The following CLVS1 variants were observed in gnomAD, a reference collection of about 807,000 sequenced individuals.
CLVS1 encodes the protein clavesin-1.
CLVS1 carries 10 observed loss-of-function variants against 33.1 expected under a neutral mutation model. The observed-to-expected ratio is 0.30, with a 90% CI of 0.19 to 0.51. The LOEUF (loss-of-function observed/expected upper bound fraction) is 0.51, where lower values mean the gene tolerates loss of function less well. CLVS1 is among the 20% of genes least tolerant of loss of function. The pLI is 0.97. For missense variants in CLVS1, 343 were observed against 433.4 expected, an observed-to-expected ratio of 0.79 and a Z score of 1.85; for synonymous variants, 163 against 166.1, an observed-to-expected ratio of 0.98 and a Z score of 0.14.
intron 1 of CLVS1, among the ~76,000 whole-genome samples, chr8:61,115,343 T>A (rs923057490): frequency 1.9e-4 from 28 of 151,262 alleles, no homozygotes; most frequent in Middle Eastern, 3.4e-3. Context: ...TTATTTTTTT[T>A]ATTTTATTTT....
At chr8:61,325,698 T>C (rs1811356818) in intron 2 of CLVS1, among the ~76,000 whole-genome samples, 1 of 152,188 alleles carries the variant, frequency 6.6e-6, no homozygotes, top group Non-Finnish European at 1.5e-5. Context: ...TTTAACAAAG[T>C]CCAGCAACCA....
intron 1 of CLVS1, among the ~76,000 whole-genome samples, chr8:61,110,362 T>C (rs1403239671): frequency 2.0e-5 from 3 of 152,174 alleles, no homozygotes; most frequent in African/African-American, 7.2e-5. Flanking sequence ...CTCTTCCTTT[T>C]TGAGACGGCT....
chr8:61,037,634 C>T, the CLVS1 span, among the ~76,000 whole-genome samples: 126 of 152,316 alleles, frequency 8.3e-4, 2 homozygotes, highest in East Asian at 0.023. Flanking sequence ...ATGACAATCT[C>T]TTCAAATTTG....
intron 1 of CLVS1, among the ~76,000 whole-genome samples, chr8:61,288,951 G>C (rs1310178754): frequency 6.6e-6 from 1 of 152,234 alleles, no homozygotes; most frequent in Non-Finnish European, 1.5e-5. Flanking sequence ...GGTAATGATT[G>C]TAACTTAAGA....
chr8:61,070,999 C>T (rs1216715189), intron 1 of CLVS1, among the ~76,000 whole-genome samples: 1 of 152,214 alleles, frequency 6.6e-6, no homozygotes, highest in Non-Finnish European at 1.5e-5. Context: ...TTCAAACCTT[C>T]CTGCTCCTGT....
At chr8:61,039,471 G>A in the CLVS1 span, among the ~76,000 whole-genome samples, 1 of 152,178 alleles carries the variant, frequency 6.6e-6, no homozygotes, top group Non-Finnish European at 1.5e-5. Context: ...TGAAGGCTCA[G>A]TACATGGCAA....
chr8:61,042,841 C>T, the CLVS1 span, among the ~76,000 whole-genome samples: 1 of 152,206 alleles, frequency 6.6e-6, no homozygotes, highest in Non-Finnish European at 1.5e-5. Flanking sequence ...AACCAGTTCT[C>T]AGACGTGGAG....
At chr8:61,111,513 T>C (rs192713278) in intron 1 of CLVS1, among the ~76,000 whole-genome samples, 1 of 152,336 alleles carries the variant, frequency 6.6e-6, no homozygotes, top group East Asian at 1.9e-4. Flanking sequence ...GATTTAATCT[T>C]TCACATTTAA....
At chr8:61,076,951 G>T (rs1288758261) in intron 1 of CLVS1, among the ~76,000 whole-genome samples, 1 of 152,186 alleles carries the variant, frequency 6.6e-6, no homozygotes, top group Non-Finnish European at 1.5e-5. Flanking sequence ...GATGATCTGC[G>T]TTTCCCTGAG....
intron 1 of CLVS1, among the ~76,000 whole-genome samples, chr8:61,098,886 CA>C (rs998518610): frequency 3.3e-5 from 5 of 151,598 alleles, no homozygotes; most frequent in Admixed American, 2.6e-4. Flanking sequence ...AAAAATGAAG[CA>C]AAAAAAAGTT....
At chr8:60,984,015 C>T in the CLVS1 span, among the ~76,000 whole-genome samples, 16 of 152,324 alleles carry the variant, frequency 1.1e-4, no homozygotes, top group East Asian at 3.1e-3. Context: ...GACCTGCATT[C>T]CAGCCAGTTG....
At chr8:61,480,391 G>A (rs1428854812) in intron 5 of CLVS1, among the ~76,000 whole-genome samples, 3 of 152,222 alleles carry the variant, frequency 2.0e-5, no homozygotes, top group Non-Finnish European at 2.9e-5. Context: ...CCAGGTGCAG[G>A]ATATAATCTC....
intron 2 of CLVS1, among the ~76,000 whole-genome samples, chr8:61,206,737 T>C (rs1470606321): frequency 1.3e-5 from 2 of 151,840 alleles, no homozygotes; most frequent in Non-Finnish European, 2.9e-5. Flanking sequence ...TACAGGCGCC[T>C]GCCACCACGC....
the CLVS1 span, among the ~76,000 whole-genome samples, chr8:61,035,493 C>T: frequency 1.3e-5 from 2 of 152,140 alleles, no homozygotes; most frequent in African/African-American, 4.8e-5. Flanking sequence ...GTGCAATGGG[C>T]TGGGTTCTTG....
chr8:61,068,829 C>T (rs1442562035), intron 1 of CLVS1, among the ~76,000 whole-genome samples: 3 of 152,176 alleles, frequency 2.0e-5, no homozygotes, highest in African/African-American at 4.8e-5. Flanking sequence ...CGGGGTCTCT[C>T]GAATTGTTCC....
the CLVS1 span, among the ~76,000 whole-genome samples, chr8:60,976,151 C>G: frequency 9.9e-5 from 15 of 152,268 alleles, no homozygotes; most frequent in African/African-American, 3.6e-4. Context: ...CAGCATATTT[C>G]ATACTTTTCC....
intron 2 of CLVS1, among the ~76,000 whole-genome samples, chr8:61,253,477 G>A (rs1224515332): frequency 6.6e-6 from 1 of 152,190 alleles, no homozygotes; most frequent in Non-Finnish European, 1.5e-5. Flanking sequence ...TGCCTTTCTA[G>A]ATTGGGGAAG....
chr8:61,221,819 T>C (rs1585701109), intron 2 of CLVS1, among the ~76,000 whole-genome samples: 1 of 152,036 alleles, frequency 6.6e-6, no homozygotes, highest in Non-Finnish European at 1.5e-5. Context: ...AATCCTGGGA[T>C]TTTTTTGGTT....
chr8:61,230,988 A>G lies in CLVS1; in HGVS notation c.-151-68689A>G, dbSNP rs980674540. ...CATGAGGGTTCTGCCCTTATGACCT[A>G]ATCACCTCCCAGAGCCCCACCTCCT... On this transcript the variant is annotated intron_variant, in intron 2 of 2. Transcript: ENST00000522621. Among the ~76,000 whole-genome samples the G allele has an allele frequency of 2.6e-5, 4 of 152,154 alleles. No homozygotes were observed. The East Asian group carries it at 7.7e-4, about 29-fold the overall frequency.
Sources: gnomAD v4.1 joint callset for allele counts (sites outside exome capture counted in the v4.1 genomes callset) on GRCh38, gnomAD v4.1.1 for gene constraint, MANE v1.5 for transcripts, NCBI Gene and HGNC (gene_info 2026-07-23, HGNC 2026-07-21) for gene names.